AGAP1: variants seen among roughly 807,000 people sequenced by gnomAD.
The protein encoded by AGAP1 is ArfGAP with GTPase domain, ankyrin repeat and PH domain 1.
AGAP1 carries 29 observed loss-of-function variants against 105.3 expected under a neutral mutation model. That is an observed-to-expected ratio of 0.28 (90% confidence interval 0.21 to 0.38). AGAP1 has a LOEUF of 0.38. AGAP1 is among the 10% of genes least tolerant of loss of function. The pLI is 1.00. For missense variants in AGAP1, 998 were observed against 1,165.1 expected (o/e 0.86, Z 2.09); for synonymous variants, 509 against 485.9 (o/e 1.05, Z -0.63).
At chr2:235,713,269 G>C (rs2149528031) in intron 2 of AGAP1, among the ~76,000 whole-genome samples, 1 of 152,326 alleles carries the variant, frequency 6.6e-6, no homozygotes, top group Middle Eastern at 3.4e-3. Flanking sequence ...GGGTGCCCTT[G>C]AGCAAAAGAA....
chr2:235,954,715 T>A (rs557023770), intron 12 of AGAP1, among the ~76,000 whole-genome samples: 1 of 151,752 alleles, frequency 6.6e-6, no homozygotes, highest in South Asian at 2.1e-4. Context: ...GTCCTTCAGG[T>A]TTGTCCACAG....
intron 9 of AGAP1, among the ~76,000 whole-genome samples, chr2:235,810,922 G>A (rs1006824030): frequency 4.0e-5 from 6 of 150,992 alleles, no homozygotes; most frequent in East Asian, 1.9e-4. Context: ...CCGGCTCAGC[G>A]GCAAGTGGGT....
intron 1 of AGAP1, among the ~76,000 whole-genome samples, chr2:235,617,880 A>T (rs1447129793): frequency 3.3e-5 from 5 of 152,120 alleles, no homozygotes; most frequent in Non-Finnish European, 7.3e-5. Flanking sequence ...TGGGATATGC[A>T]TGCATGCACT....
In AGAP1 at chr2:235,635,849, T is replaced by C. The variant is rs1946980479; in HGVS notation, c.164-73330T>C. Among the ~76,000 whole-genome samples, 1 of 152,142 alleles carries C rather than the reference T, an allele frequency of 6.6e-6. No individual in the cohort carries two copies. The highest frequency in any genetic ancestry group is 2.4e-5 in the African/African-American group (1 of 41,438). On this transcript the variant is annotated intron_variant, in intron 1 of 17. Transcript: ENST00000304032. The surrounding 1 kb of genome is among the most constrained non-coding windows in gnomAD (Gnocchi z 5.3). Reference sequence around the variant, plus strand: ...CTCATCTTAGACCGGGCACAGTGACTCATGCCTGTAATCCCAGCACTTTGG... The same window carrying C: ...CTCATCTTAGACCGGGCACAGTGACCCATGCCTGTAATCCCAGCACTTTGG...
intron 1 of AGAP1, among the ~76,000 whole-genome samples, chr2:235,572,992 T>TTCC (rs1944586609): frequency 4.7e-5 from 1 of 21,146 alleles, no homozygotes; most frequent in African/African-American, 2.1e-4. Flanking sequence ...CTTCTTCTTC[T>TTCC]TCTTCTTCTT....
At chr2:235,781,658 G>A (rs1177067496) in intron 6 of AGAP1, among the ~76,000 whole-genome samples, 1 of 152,164 alleles carries the variant, frequency 6.6e-6, no homozygotes, top group East Asian at 1.9e-4. Context: ...GCACCTAGAA[G>A]CCTTCGTAAG....
intron 1 of AGAP1, among the ~76,000 whole-genome samples, chr2:235,652,326 C>T (rs1947622527): frequency 6.6e-6 from 1 of 152,060 alleles, no homozygotes; most frequent in Non-Finnish European, 1.5e-5. Context: ...GCCACGCAGC[C>T]CTCAGACCCC....
Position 236,046,625 on chromosome 2 carries a change from C to T in AGAP1, c.1892-2434C>T, listed in dbSNP as rs574179260. On this transcript the variant is annotated intron_variant, in intron 15 of 17. Transcript: ENST00000304032. The surrounding 1 kb of genome is among the most constrained non-coding windows in gnomAD (Gnocchi z 5.2). The stretch of plus-strand genomic sequence containing the variant: ...CCAACTGAAATGTACGTGGTCGTTG[C>T]GTATATAATAATTCAGGAGCCAGGA... 1.2e-4 allele frequency among the ~76,000 whole-genome samples: 19 copies of T among 152,176 alleles called. No homozygotes were observed. The highest frequency in any genetic ancestry group is 9.8e-4 in the Admixed American group (15 of 15,286).
Position 235,877,231 on chromosome 2 carries a change from A to G in AGAP1, c.1051-6114A>G, listed in dbSNP as rs1006125819. Among the ~76,000 whole-genome samples the G allele has an allele frequency of 6.6e-6, 1 of 152,238 alleles. No homozygotes were observed. Among genetic ancestry groups the G allele is most frequent in the African/African-American group, 2.4e-5 (1 of 41,472 alleles). On this transcript the variant is annotated intron_variant, in intron 9 of 17. Transcript: ENST00000304032. The surrounding 1 kb of genome is among the most constrained non-coding windows in gnomAD (Gnocchi z 4.3). ...AATAATTATGCAGTTAGGTACAAGC[A>G]GAAAACTAAGATTCAGCTCCTTGTC... is the stretch of plus-strand genomic sequence containing the variant.
Position 235,930,700 on chromosome 2 carries a change from T to TA in AGAP1, c.1325-63dup. 1 of 1,531,914 alleles carries TA rather than the reference T, an allele frequency of 6.5e-7. No homozygotes were observed. The highest frequency in any genetic ancestry group is 8.9e-7 in the Non-Finnish European group (1 of 1,129,736). 94.9% of individuals were successfully genotyped at this position (1,531,914 alleles called of 1,614,324 possible). A position where few individuals can be genotyped will look rare whatever the true frequency, so the allele number is the denominator to read the frequency against. On this transcript the variant is annotated intron_variant, in intron 11 of 17. Transcript: ENST00000304032. The surrounding 1 kb of genome is among the most constrained non-coding windows in gnomAD (Gnocchi z 7.9). ...GTGCCAGCGTGTGGGTCCCATAGAC[T>TA]AACTCGCGCTGGTTTCTGTGGTCTG...
chr2:235,753,231 AG>A lies in AGAP1; in HGVS notation c.673+2745del, dbSNP rs1339418687. Among the ~76,000 whole-genome samples the A allele has an allele frequency of 2.6e-5, 4 of 152,206 alleles. No homozygotes were observed. The highest frequency in any genetic ancestry group is 5.9e-5 in the Non-Finnish European group (4 of 68,034). ...TTTTCTTCAGGTTGGGGGTGGCAAG[AG>A]GAGAATAAGGACTGATATTTCTAAA... On this transcript the variant is annotated intron_variant, in intron 6 of 17. Transcript: ENST00000304032. This position sits in a 1 kb window ranked among gnomAD's most constrained non-coding sequence, Gnocchi z 4.5.
At chr2:236,112,019 C>T (rs544264217) in intron 16 of AGAP1, among the ~76,000 whole-genome samples, 3 of 152,282 alleles carry the variant, frequency 2.0e-5, no homozygotes, top group Non-Finnish European at 4.4e-5. Flanking sequence ...GGTCTTCCCT[C>T]GGGCTTTTAC....
intron 9 of AGAP1, among the ~76,000 whole-genome samples, chr2:235,831,640 C>G (rs1246241601): frequency 2.0e-5 from 3 of 152,162 alleles, no homozygotes; most frequent in Non-Finnish European, 4.4e-5. Flanking sequence ...GGCTCAGTAG[C>G]TCATTTCTTT....
intron 1 of AGAP1, among the ~76,000 whole-genome samples, chr2:235,589,712 T>G (rs1031266681): frequency 3.3e-5 from 5 of 151,892 alleles, no homozygotes; most frequent in Non-Finnish European, 5.9e-5. Flanking sequence ...TAGATAGAGA[T>G]ATAGAATGGA....
rs1040040453 is a variant in AGAP1, at chr2:235,725,696, A to G, written c.310+8052A>G. 6.6e-6 allele frequency among the ~76,000 whole-genome samples: 1 copy of G among 152,206 alleles called. No individual in the cohort carries two copies. Among genetic ancestry groups the G allele is most frequent in the African/African-American group, 2.4e-5 (1 of 41,450 alleles). ...GCCTGCTGCTATGTTGGTTTAATAG[A>G]TAAAGCAGAAGTCAGTTCAGCCATC... On this transcript the variant is annotated intron_variant, in intron 3 of 17. Transcript: ENST00000304032. This position sits in a 1 kb window ranked among gnomAD's most constrained non-coding sequence, Gnocchi z 5.7.
chr2:236,041,817 C>A (rs374562027), intron 15 of AGAP1, among the ~76,000 whole-genome samples: 2 of 152,158 alleles, frequency 1.3e-5, no homozygotes, highest in Non-Finnish European at 2.9e-5. Context: ...TGGAGCTAAG[C>A]GCTGGGGAGA....
intron 5 of AGAP1, among the ~76,000 whole-genome samples, chr2:235,746,581 C>A (rs1330020950): frequency 6.6e-6 from 1 of 151,486 alleles, no homozygotes; most frequent in Non-Finnish European, 1.5e-5. Context: ...TGCAGAGTTG[C>A]CGTATTTGAG....
In AGAP1 at chr2:235,751,800, C is replaced by G. The variant is rs745593196; in HGVS notation, c.673+1312C>G. Among the ~76,000 whole-genome samples, 3 of 152,206 alleles carry G rather than the reference C, an allele frequency of 2.0e-5. No homozygotes were observed. Among genetic ancestry groups the G allele is most frequent in the Non-Finnish European group, 4.4e-5 (3 of 68,032 alleles). ...TACTGCTTCATGGCTTAGGTTTCTT[C>G]TCGCCTTATCCAGTGCCAATGCTGA... On this transcript the variant is annotated intron_variant, in intron 6 of 17. Coordinates refer to ENST00000304032, the MANE Select transcript of AGAP1 (RefSeq NM_001037131.3). This position sits in a 1 kb window ranked among gnomAD's most constrained non-coding sequence, Gnocchi z 5.3.
At chr2:235,808,162 TAAAG>T (rs1349703029) in intron 9 of AGAP1, among the ~76,000 whole-genome samples, 4 of 152,218 alleles carry the variant, frequency 2.6e-5, no homozygotes, top group African/African-American at 9.6e-5. Flanking sequence ...TTTGGTTTGT[TAAAG>T]AAAGCCAATT....
Sources: gnomAD v4.1 joint callset for allele counts (sites outside exome capture counted in the v4.1 genomes callset) on GRCh38, gnomAD v4.1.1 for gene constraint, Gnocchi (gnomAD v3.1) non-coding constraint, MANE v1.5 for transcripts, NCBI Gene and HGNC (gene_info 2026-07-23, HGNC 2026-07-21) for gene names.